Variants in OXR1 observed in about 807,000 individuals in gnomAD.
OXR1 encodes the protein oxidation resistance protein 1.
A neutral mutation model predicts 104.6 loss-of-function variants in OXR1; 41 were observed. The ratio of observed to expected loss-of-function variants is 0.39; its 90% CI spans 0.31 to 0.51. The LOEUF (loss-of-function observed/expected upper bound fraction) is 0.51, where lower values mean the gene tolerates loss of function less well. Ranked by LOEUF, OXR1 falls within the 20% of genes least tolerant of loss-of-function variation. The pLI, the probability that OXR1 is intolerant of heterozygous loss-of-function variation, is 0.77. For missense variants in OXR1, 955 were observed against 1,031.9 expected, an observed-to-expected ratio of 0.93 and a Z score of 1.02; for synonymous variants, 348 against 348.4, an observed-to-expected ratio of 1.00 and a Z score of 0.01.
intron 3 of OXR1, among the ~76,000 whole-genome samples, chr8:106,663,707 T>C (rs919046608): frequency 6.6e-6 from 1 of 152,168 alleles, no homozygotes; most frequent in African/African-American, 2.4e-5. Context: ...GTGGGGACAT[T>C]AGATTCTCAT....
intron 3 of OXR1, among the ~76,000 whole-genome samples, chr8:106,575,985 A>AACAC (rs35038334): frequency 0.15 from 21,994 of 144,266 alleles, 1,829 homozygotes; most frequent in African/African-American, 0.23. Context: ...AAATGTTTAT[A>AACAC]ACACACACAC....
chr8:106,547,492 CTTTTTTT>C (rs60073341), intron 3 of OXR1, among the ~76,000 whole-genome samples: 1 of 116,588 alleles, frequency 8.6e-6, no homozygotes, highest in East Asian at 2.4e-4. Flanking sequence ...TTCTTTCTTT[CTTTTTTT>C]TTTTTTTTTT....
At chr8:106,277,115 T>C (rs1455083311) in intron 1 of OXR1, among the ~76,000 whole-genome samples, 1 of 152,220 alleles carries the variant, frequency 6.6e-6, no homozygotes, top group Non-Finnish European at 1.5e-5. Flanking sequence ...AAATAAATAA[T>C]GTATGTATTC....
intron 3 of OXR1, among the ~76,000 whole-genome samples, chr8:106,555,578 A>G (rs191703307): frequency 1.5e-4 from 23 of 152,240 alleles, no homozygotes; most frequent in Admixed American, 1.5e-3. Context: ...CCAATGGAAT[A>G]TAAGTAATTG....
chr8:106,526,839 T>C (rs1813725515), intron 3 of OXR1, among the ~76,000 whole-genome samples: 1 of 152,270 alleles, frequency 6.6e-6, no homozygotes, highest in South Asian at 2.1e-4. Context: ...CACCGCGCCA[T>C]GTATAGCTAT....
intron 11 of OXR1, chr8:106,720,832 A>T (rs1242931969): frequency 4.6e-6 from 1 of 219,480 alleles, no homozygotes; most frequent in Non-Finnish European, 7.7e-6. Context: ...GTGCCTGAGG[A>T]TCCAGTAGTA....
chr8:106,714,498 A>T (rs1032071208), intron 11 of OXR1, among the ~76,000 whole-genome samples: 1 of 152,106 alleles, frequency 6.6e-6, no homozygotes, highest in Admixed American at 6.5e-5. Flanking sequence ...AATTTTAAGG[A>T]AATAAGCAGG....
intron 2 of OXR1, among the ~76,000 whole-genome samples, chr8:106,428,751 T>C (rs1819238116): frequency 6.6e-6 from 1 of 152,120 alleles, no homozygotes; most frequent in Admixed American, 6.6e-5. Context: ...AGGAAAACTG[T>C]CTAATGACTG....
intron 3 of OXR1, among the ~76,000 whole-genome samples, chr8:106,615,533 A>G (rs1019357960): frequency 2.7e-5 from 4 of 150,942 alleles, no homozygotes; most frequent in African/African-American, 7.3e-5. Flanking sequence ...GCTTGAGCCC[A>G]GGAGGCAGAA....
intron 2 of OXR1, among the ~76,000 whole-genome samples, chr8:106,418,053 G>A (rs564468367): frequency 1.3e-5 from 2 of 152,162 alleles, no homozygotes; most frequent in East Asian, 3.9e-4. Context: ...GTCAGCTATA[G>A]TAAAGGGACT....
At chr8:106,647,296 A>G (rs932516092) in intron 3 of OXR1, among the ~76,000 whole-genome samples, 1 of 152,178 alleles carries the variant, frequency 6.6e-6, no homozygotes, top group African/African-American at 2.4e-5. Flanking sequence ...GAAAATTAAT[A>G]TTAGACTCTC....
chr8:106,575,641 A>G (rs1817769245), intron 3 of OXR1, among the ~76,000 whole-genome samples: 1 of 151,954 alleles, frequency 6.6e-6, no homozygotes, highest in Non-Finnish European at 1.5e-5. Flanking sequence ...TTAATGATAT[A>G]CAATTAATTT....
intron 3 of OXR1, among the ~76,000 whole-genome samples, chr8:106,619,542 C>T (rs1821524136): frequency 6.6e-6 from 1 of 152,062 alleles, no homozygotes; most frequent in African/African-American, 2.4e-5. Context: ...ACTTTTAAGT[C>T]ATTGGGGAGG....
chr8:106,522,452 C>A (rs144681145), intron 3 of OXR1, among the ~76,000 whole-genome samples: 1 of 152,178 alleles, frequency 6.6e-6, no homozygotes, highest in East Asian at 1.9e-4. Context: ...TGTTTTTACT[C>A]TGGAATATTT....
At chr8:106,544,968 G>A (rs770570292) in intron 3 of OXR1, among the ~76,000 whole-genome samples, 2 of 152,128 alleles carry the variant, frequency 1.3e-5, no homozygotes, top group Admixed American at 6.6e-5. Context: ...ACATCTTCTG[G>A]AAGTTTGACA....
chr8:106,555,243 A>G lies in OXR1; in HGVS notation c.220+36104A>G, dbSNP rs556079769. 1.4e-4 allele frequency among the ~76,000 whole-genome samples: 21 copies of G among 152,234 alleles called. 1 individual carries two copies. The highest frequency in any genetic ancestry group is 8.5e-4 in the Admixed American group (13 of 15,274). ...CTCTTCAGGTAATTCCATGCAAGTC[A>G]TGGGTGAGAACTGCTGCTGCAAGCT... On this transcript the variant is annotated intron_variant, in intron 3 of 16. Coordinates refer to ENST00000517566, the MANE Select transcript of OXR1 (RefSeq NM_001198533.2).
intron 2 of OXR1, among the ~76,000 whole-genome samples, chr8:106,492,377 A>G (rs370141678): frequency 6.6e-6 from 1 of 152,192 alleles, no homozygotes; most frequent in Non-Finnish European, 1.5e-5. Flanking sequence ...CTTCGGGTAA[A>G]GTGTTGTTTT....
At chr8:106,749,780 C>A (rs1300437740) in intron 16 of OXR1, among the ~76,000 whole-genome samples, 1 of 152,140 alleles carries the variant, frequency 6.6e-6, no homozygotes, top group Non-Finnish European at 1.5e-5. Context: ...TGCCCCCTCT[C>A]CTCTTCTATT....
At position 106,706,452 on chromosome 8, in the gene OXR1, A is replaced by G. The variant is rs780686170; in HGVS notation, c.931A>G (p.Ile311Val). 151 of 1,598,628 alleles carry G rather than the reference A, an allele frequency of 9.4e-5. No homozygotes were observed. The highest frequency in any genetic ancestry group is 1.2e-4 in the Non-Finnish European group (145 of 1,175,948). The part of the protein sequence containing the change: ...KKMTGSNTEE[I>V]DSRIRDAGND... ...AATGACAGGAAGTAACACTGAGGAAATAGACTCAAGAATCCGAGATGCAGG... is the reference window on the plus strand; with the variant it reads ...AATGACAGGAAGTAACACTGAGGAAGTAGACTCAAGAATCCGAGATGCAGG... Residue 311 changes from isoleucine to valine, a missense_variant, in exon 9 of 17, where the codon ATA becomes GTA. By Grantham distance (29) the Ile-to-Val change is conservative (BLOSUM62 3). Coordinates refer to ENST00000517566, the MANE Select transcript of OXR1 (RefSeq NM_001198533.2).
Sources: allele counts gnomAD v4.1 joint callset (sites outside exome capture counted in the v4.1 genomes callset), GRCh38; gene constraint gnomAD v4.1.1; transcripts MANE v1.5; gene names NCBI Gene and HGNC (gene_info 2026-07-23, HGNC 2026-07-21).